The following MACROD2 variants were observed in gnomAD, a reference collection of about 807,000 sequenced individuals.
MACROD2 encodes mono-ADP ribosylhydrolase 2, also known as ADP-ribose glycohydrolase MACROD2.
Under a neutral mutation model 70.4 loss-of-function variants are expected in MACROD2, and 36 were observed. The observed-to-expected ratio is 0.51, with a 90% CI of 0.39 to 0.68. The LOEUF (loss-of-function observed/expected upper bound fraction) is 0.68, where lower values mean the gene tolerates loss of function less well. Ranked by LOEUF, MACROD2 falls within the 30% of genes least tolerant of loss-of-function variation. The probability of loss-of-function intolerance (pLI) is 0.00; values close to 1 mark genes in which losing one functional copy is unlikely to be tolerated. For synonymous variants in MACROD2, 172 were observed against 178.8 expected (o/e 0.96, Z 0.30); for missense variants, 496 against 538.4 (o/e 0.92, Z 0.78).
chr20:14,974,047 G>A (rs2074715990), intron 5 of MACROD2, among the ~76,000 whole-genome samples: 1 of 152,152 alleles, frequency 6.6e-6, no homozygotes, highest in Admixed American at 6.5e-5. Context: ...GGAAGAGTTT[G>A]GAAATTGCTG....
rs904167403 is a variant in MACROD2 at position 15,987,103 on chromosome 20, G to A, written c.1098G>A (p.Glu366=). The stretch of plus-strand genomic sequence containing the variant: ...ACCAAGAAGATGCCGTGATTGTGGA[G>A]CAACCAGAAGTGATTCCATTAACAG... The part of the protein sequence containing the change: ...SSNQEDAVIV[E]QPEVIPLTED... Residue 366 remains glutamate, a synonymous_variant, in exon 15 of 18, where the codon GAG becomes GAA. Transcript: ENST00000684519. 2.5e-6 allele frequency: 4 copies of A among 1,612,034 alleles called. No homozygotes were observed. The Admixed American group carries it at 5.1e-5, about 20-fold the overall frequency.
chr20:15,402,697 G>T (rs774069457), intron 6 of MACROD2, among the ~76,000 whole-genome samples: 5 of 152,194 alleles, frequency 3.3e-5, no homozygotes, highest in African/African-American at 9.6e-5. Context: ...GAATAAAGAA[G>T]TGCAAAAATA....
intron 7 of MACROD2, among the ~76,000 whole-genome samples, chr20:15,485,367 A>C (rs1243002501): frequency 1.3e-5 from 2 of 152,180 alleles, no homozygotes; most frequent in Non-Finnish European, 2.9e-5. Flanking sequence ...ATTTGTGTTT[A>C]AATGGATAGT....
intron 4 of MACROD2, among the ~76,000 whole-genome samples, chr20:14,548,849 G>T (rs539098391): frequency 1.3e-5 from 2 of 152,040 alleles, no homozygotes; most frequent in South Asian, 4.2e-4. Flanking sequence ...AAAAGGGAAT[G>T]GATGAGGCTA....
chr20:14,327,536 G>A, intron 3 of MACROD2: 2 of 1,570,730 alleles, frequency 1.3e-6, no homozygotes, highest in Middle Eastern at 1.7e-4. Context: ...TTTATACAAG[G>A]TAGCTTCCGT....
intron 5 of MACROD2, among the ~76,000 whole-genome samples, chr20:15,094,461 A>G (rs1487664048): frequency 2.6e-5 from 4 of 152,194 alleles, no homozygotes; most frequent in Non-Finnish European, 5.9e-5. Context: ...AATTATTTTT[A>G]TACTTAAATA....
chr20:14,212,616 T>G (rs1270603697), intron 3 of MACROD2, among the ~76,000 whole-genome samples: 1 of 152,028 alleles, frequency 6.6e-6, no homozygotes, highest in Non-Finnish European at 1.5e-5. Context: ...GAATGTAGAA[T>G]TTGGAGTCAA....
At chr20:14,843,572 C>G (rs1298808025) in intron 5 of MACROD2, among the ~76,000 whole-genome samples, 4 of 152,068 alleles carry the variant, frequency 2.6e-5, no homozygotes, top group Admixed American at 6.6e-5. Context: ...AATACATTCT[C>G]TCAAATATGC....
At chr20:14,301,144 C>T (rs1250552476) in intron 3 of MACROD2, among the ~76,000 whole-genome samples, 1 of 152,068 alleles carries the variant, frequency 6.6e-6, no homozygotes, top group African/African-American at 2.4e-5. Context: ...AGATCACACA[C>T]CTAGTAGGTG....
chr20:14,009,452 T>C (rs2052867736), intron 2 of MACROD2, among the ~76,000 whole-genome samples: 2 of 152,094 alleles, frequency 1.3e-5, no homozygotes, highest in African/African-American at 2.4e-5. Context: ...ATGGCTATCA[T>C]TAAAAAGTCA....
intron 3 of MACROD2, among the ~76,000 whole-genome samples, chr20:14,138,010 G>C (rs1049099052): frequency 6.6e-6 from 1 of 152,126 alleles, no homozygotes; most frequent in Admixed American, 6.5e-5. Flanking sequence ...ATATTACAAG[G>C]TGCTCAGTCA....
intron 8 of MACROD2, among the ~76,000 whole-genome samples, chr20:15,701,315 T>C (rs1191650094): frequency 6.6e-6 from 1 of 152,230 alleles, no homozygotes; most frequent in Non-Finnish European, 1.5e-5. Flanking sequence ...TACAAAAGTA[T>C]GGAGCTGATG....
chr20:15,068,185 T>C (rs1220920267), intron 5 of MACROD2, among the ~76,000 whole-genome samples: 1 of 152,224 alleles, frequency 6.6e-6, no homozygotes, highest in African/African-American at 2.4e-5. Context: ...CATTTTTTCA[T>C]ATGCTTTTGG....
intron 8 of MACROD2, among the ~76,000 whole-genome samples, chr20:15,663,726 A>G (rs1171666768): frequency 6.6e-6 from 1 of 152,200 alleles, no homozygotes; most frequent in Non-Finnish European, 1.5e-5. Flanking sequence ...ACAAAGGCAT[A>G]TCTTATCCAT....
At chr20:14,871,983 A>G (rs1337128764) in intron 5 of MACROD2, among the ~76,000 whole-genome samples, 1 of 152,180 alleles carries the variant, frequency 6.6e-6, no homozygotes, top group African/African-American at 2.4e-5. Context: ...TATGCTAAAT[A>G]TATATGCACC....
intron 3 of MACROD2, among the ~76,000 whole-genome samples, chr20:14,311,584 C>T (rs1199566181): frequency 6.6e-6 from 1 of 152,156 alleles, no homozygotes; most frequent in Non-Finnish European, 1.5e-5. Context: ...GTGGCGTGAT[C>T]TTGGCTGACT....
chr20:15,489,294 G>C (rs2047199006), intron 7 of MACROD2, among the ~76,000 whole-genome samples: 1 of 152,104 alleles, frequency 6.6e-6, no homozygotes, highest in Non-Finnish European at 1.5e-5. Context: ...TTTATATTAT[G>C]ACTAATTCTA....
At chr20:15,834,069 A>G (rs901324653) in intron 8 of MACROD2, among the ~76,000 whole-genome samples, 1 of 152,210 alleles carries the variant, frequency 6.6e-6, no homozygotes, top group Admixed American at 6.5e-5. Flanking sequence ...GAATACTGCA[A>G]TTCAGTGAGT....
At chr20:14,056,284 C>T (rs2053630247) in intron 2 of MACROD2, among the ~76,000 whole-genome samples, 1 of 151,720 alleles carries the variant, frequency 6.6e-6, no homozygotes, top group African/African-American at 2.4e-5. Context: ...TATGTTATGT[C>T]TTGTGTTGTC....
Sources: gnomAD v4.1 joint callset for allele counts (sites outside exome capture counted in the v4.1 genomes callset) on GRCh38, gnomAD v4.1.1 for gene constraint, MANE v1.5 for transcripts, NCBI Gene and HGNC (gene_info 2026-07-23, HGNC 2026-07-21) for gene names.